Variants in SDC2 observed in about 807,000 individuals in gnomAD.
The protein encoded by SDC2 is syndecan-2.
Under a neutral mutation model 22.2 loss-of-function variants are expected in SDC2, and 13 were observed. The observed-to-expected ratio is 0.59, with a 90% CI of 0.38 to 0.93. The LOEUF (loss-of-function observed/expected upper bound fraction) is 0.93, where lower values mean the gene tolerates loss of function less well. Among genes scored for constraint, SDC2 ranks in the 40% least tolerant of loss-of-function variants. The probability of loss-of-function intolerance (pLI) is 0.00; values close to 1 mark genes in which losing one functional copy is unlikely to be tolerated. For missense variants in SDC2, 235 were observed against 246.8 expected (o/e 0.95, Z 0.32); for synonymous variants, 94 against 92.8 (o/e 1.01, Z -0.07).
chr8:96,532,022 T>C (rs1813670242), intron 1 of SDC2, among the ~76,000 whole-genome samples: 1 of 152,252 alleles, frequency 6.6e-6, no homozygotes, highest in African/African-American at 2.4e-5. Context: ...AACAGCTGGT[T>C]GACCTTGGAG....
chr8:96,589,833 C>T (rs530922273), intron 1 of SDC2, among the ~76,000 whole-genome samples: 25 of 152,292 alleles, frequency 1.6e-4, no homozygotes, highest in African/African-American at 5.5e-4. Flanking sequence ...AAGACACGGA[C>T]GTGGGCAGTG....
intron 2 of SDC2, among the ~76,000 whole-genome samples, chr8:96,596,700 C>G (rs1054697236): frequency 1.3e-5 from 2 of 152,154 alleles, no homozygotes; most frequent in African/African-American, 4.8e-5. Context: ...GATGGCAGAT[C>G]GAACACTACT....
At chr8:96,504,044 G>A (rs1171336227) in intron 1 of SDC2, among the ~76,000 whole-genome samples, 1 of 152,160 alleles carries the variant, frequency 6.6e-6, no homozygotes, top group Non-Finnish European at 1.5e-5. Context: ...CATCAGAAAA[G>A]CAATGCAGGT....
intron 1 of SDC2, among the ~76,000 whole-genome samples, chr8:96,495,326 T>G (rs1813054546): frequency 2.6e-5 from 4 of 152,168 alleles, no homozygotes; most frequent in Non-Finnish European, 5.9e-5. Flanking sequence ...TGATTTCTCC[T>G]TTTGGTCGCG....
chr8:96,590,937 C>G (rs1165178899), intron 1 of SDC2, among the ~76,000 whole-genome samples: 1 of 152,160 alleles, frequency 6.6e-6, no homozygotes. Flanking sequence ...GGTAAGCCAG[C>G]TTCTCTAGAC....
At chr8:96,599,954 A>C (rs1814949004) in intron 2 of SDC2, among the ~76,000 whole-genome samples, 1 of 152,184 alleles carries the variant, frequency 6.6e-6, no homozygotes, top group South Asian at 2.1e-4. Flanking sequence ...CAACCTGGCA[A>C]CATAGTTGAG....
intron 1 of SDC2, among the ~76,000 whole-genome samples, chr8:96,508,296 AAATAATAAT>A (rs35792253): frequency 0.066 from 8,587 of 130,800 alleles, 356 homozygotes; most frequent in African/African-American, 0.11. Context: ...ACTCCGTCTC[AAATAATAAT>A]AATAATAATA....
intron 1 of SDC2, among the ~76,000 whole-genome samples, chr8:96,593,152 A>T (rs1425446738): frequency 6.6e-5 from 10 of 152,268 alleles, no homozygotes; most frequent in African/African-American, 2.4e-4. Context: ...AAGATGGCTT[A>T]TAACTAGCAT....
At chr8:96,516,633 T>C (rs989178267) in intron 1 of SDC2, among the ~76,000 whole-genome samples, 1 of 152,164 alleles carries the variant, frequency 6.6e-6, no homozygotes, top group Non-Finnish European at 1.5e-5. Context: ...CCCTTCTGTC[T>C]CTGTAGATTT....
At chr8:96,513,931 G>A (rs933558807) in intron 1 of SDC2, among the ~76,000 whole-genome samples, 1 of 152,156 alleles carries the variant, frequency 6.6e-6, no homozygotes, top group African/African-American at 2.4e-5. Context: ...GGGGAGAGTC[G>A]CTGACCTTTA....
intron 1 of SDC2, among the ~76,000 whole-genome samples, chr8:96,508,465 C>T (rs1813282342): frequency 6.6e-6 from 1 of 151,512 alleles, no homozygotes; most frequent in South Asian, 2.1e-4. Flanking sequence ...TGCACTCCAG[C>T]CTGGGTGACA....
chr8:96,536,191 A>G (rs1813752066), intron 1 of SDC2, among the ~76,000 whole-genome samples: 1 of 151,968 alleles, frequency 6.6e-6, no homozygotes, highest in African/African-American at 2.4e-5. Context: ...CCCAAGGGAC[A>G]GAAGTGGGTC....
chr8:96,515,211 T>C (rs1813384162), intron 1 of SDC2, among the ~76,000 whole-genome samples: 1 of 152,232 alleles, frequency 6.6e-6, no homozygotes, highest in South Asian at 2.1e-4. Flanking sequence ...GGAGTCGCTT[T>C]TTCCCCCTAC....
intron 1 of SDC2, among the ~76,000 whole-genome samples, chr8:96,549,214 G>A (rs1026771329): frequency 6.6e-6 from 1 of 152,160 alleles, no homozygotes; most frequent in African/African-American, 2.4e-5. Context: ...AAACAATTTT[G>A]AATATTTCTA....
chr8:96,566,455 G>A (rs1814300209), intron 1 of SDC2, among the ~76,000 whole-genome samples: 1 of 152,014 alleles, frequency 6.6e-6, no homozygotes, highest in South Asian at 2.1e-4. Flanking sequence ...TATTGTGCAG[G>A]GGTTTTCAGG....
At chr8:96,561,333 A>T (rs919038388) in intron 1 of SDC2, among the ~76,000 whole-genome samples, 2 of 152,134 alleles carry the variant, frequency 1.3e-5, no homozygotes, top group African/African-American at 4.8e-5. Flanking sequence ...TAAATACACT[A>T]TACATAGAGA....
At chr8:96,562,086 A>T (rs966301798) in intron 1 of SDC2, among the ~76,000 whole-genome samples, 4 of 151,866 alleles carry the variant, frequency 2.6e-5, no homozygotes, top group Non-Finnish European at 2.9e-5. Context: ...GGTCATTTTG[A>T]TTTCCCCCCC....
intron 1 of SDC2, among the ~76,000 whole-genome samples, chr8:96,501,192 C>G: frequency 6.9e-6 from 1 of 145,546 alleles, no homozygotes; most frequent in East Asian, 2.0e-4. Context: ...GGAGTGTGTG[C>G]AATTAATAGA....
intron 1 of SDC2, among the ~76,000 whole-genome samples, chr8:96,587,278 T>A (rs920015528): frequency 3.3e-5 from 5 of 152,240 alleles, no homozygotes; most frequent in Non-Finnish European, 5.9e-5. Context: ...TTTTCTTTCA[T>A]GTGTGACCTC....
Sources: allele counts gnomAD v4.1 joint callset (sites outside exome capture counted in the v4.1 genomes callset), GRCh38; gene constraint gnomAD v4.1.1; transcripts MANE v1.5; gene names NCBI Gene and HGNC (gene_info 2026-07-23, HGNC 2026-07-21).